The following GSTO2 variants were observed in gnomAD, a reference collection of about 807,000 sequenced individuals.
GSTO2 encodes the protein glutathione S-transferase omega 2.
A neutral mutation model predicts 28.4 loss-of-function variants in GSTO2; 23 were observed. That is an observed-to-expected ratio of 0.81 (90% CI 0.58 to 1.15). The LOEUF (loss-of-function observed/expected upper bound fraction) is 1.15. Ranked by LOEUF, GSTO2 falls within the 50% of genes most tolerant of loss-of-function variation. GSTO2 has a pLI of 0.00. For missense variants in GSTO2, 298 were observed against 297.8 expected, an observed-to-expected ratio of 1.00 and a Z score of 0.00; for synonymous variants, 109 against 111.0, an observed-to-expected ratio of 0.98 and a Z score of 0.11.
At position 104,277,960 on chromosome 10, in the gene GSTO2, C is replaced by A; in HGVS notation, c.210C>A (p.Gly70=). ...GGTACTATACAAAGCACCCTTTTGG[C>A]CACATTCCTGTCCTGGAGACCAGCC... ...PEWYYTKHPF[G]HIPVLETSQC... Residue 70 remains glycine, a synonymous_variant, in exon 4 of 7, where the codon GGC becomes GGA. Transcript: ENST00000338595. The A allele has an allele frequency of 6.2e-7, 1 of 1,613,984 alleles. No homozygotes were observed. The highest frequency in any genetic ancestry group is 8.5e-7 in the Non-Finnish European group (1 of 1,179,898).
At chr10:104,296,006 T>G (rs950819075) in intron 5 of GSTO2, 1 of 152,210 alleles carries the variant, frequency 6.6e-6, no homozygotes, top group Admixed American at 6.5e-5. Context: ...TTATGAGTTA[T>G]ATAGGTCAAA....
At chr10:104,273,936 A>G (rs11191986) in intron 1 of GSTO2, among the ~76,000 whole-genome samples, 11,277 of 152,266 alleles carry the variant, frequency 0.074, 1,399 homozygotes, top group African/African-American at 0.26. Context: ...TGTTAATCCT[A>G]CAAAATGCAT....
rs376816889 is a variant in GSTO2 at position 104,271,016 on chromosome 10, C to A, written c.-232+1747C>A. Among the ~76,000 whole-genome samples the A allele has an allele frequency of 1.7e-4, 26 of 152,268 alleles. No homozygotes were observed. The South Asian group carries it at 5.2e-3, about 30-fold the overall frequency. ...GAGTAGGTTTAATATGGTCTACTTA[C>A]AATTTGTTTCATGATTGAGTGGGTC... is the stretch of plus-strand genomic sequence containing the variant. On this transcript the variant is annotated intron_variant, in intron 1 of 6. Coordinates refer to ENST00000338595, the MANE Select transcript of GSTO2 (RefSeq NM_183239.2).
intron 1 of GSTO2, among the ~76,000 whole-genome samples, chr10:104,270,414 T>C (rs2011340764): frequency 6.6e-6 from 1 of 152,254 alleles, no homozygotes; most frequent in Non-Finnish European, 1.5e-5. Context: ...ATTTTACAAA[T>C]TATTTGACTT....
chr10:104,290,932 G>A (rs1329177881), intron 5 of GSTO2, among the ~76,000 whole-genome samples: 1 of 152,138 alleles, frequency 6.6e-6, no homozygotes, highest in East Asian at 1.9e-4. Context: ...AAATGCTTGG[G>A]GGAGTGGATA....
chr10:104,279,249 G>A (rs796376441), intron 4 of GSTO2, 121 bp from the exon 5 acceptor site: 4 of 706,878 alleles, frequency 5.7e-6, no homozygotes, highest in African/African-American at 5.3e-5. Flanking sequence ...GGAGCTGGGG[G>A]GTCTGATGTG....
At chr10:104,283,491 C>A (rs2012209115) in intron 5 of GSTO2, among the ~76,000 whole-genome samples, 2 of 152,242 alleles carry the variant, frequency 1.3e-5, no homozygotes, top group East Asian at 3.9e-4. Context: ...CTGGTCATGG[C>A]AGTGCGGGTC....
chr10:104,276,938 A>G (rs1399379765), intron 3 of GSTO2, among the ~76,000 whole-genome samples: 1 of 152,182 alleles, frequency 6.6e-6, no homozygotes, highest in Non-Finnish European at 1.5e-5. Flanking sequence ...TGAACATCTA[A>G]TAATTAGAAG....
chr10:104,292,729 T>A (rs569767406), intron 5 of GSTO2, among the ~76,000 whole-genome samples: 1 of 152,296 alleles, frequency 6.6e-6, no homozygotes, highest in South Asian at 2.1e-4. Flanking sequence ...GTGCTGGGAT[T>A]ACAGGCATGA....
At chr10:104,281,712 A>G (rs1484462078) in intron 5 of GSTO2, among the ~76,000 whole-genome samples, 1 of 152,154 alleles carries the variant, frequency 6.6e-6, no homozygotes, top group African/African-American at 2.4e-5. Flanking sequence ...CCTCTCTGTA[A>G]AGGCTCAGAA....
intron 5 of GSTO2, among the ~76,000 whole-genome samples, chr10:104,279,806 A>T (rs1456140623): frequency 6.6e-6 from 1 of 152,164 alleles, no homozygotes; most frequent in Non-Finnish European, 1.5e-5. Context: ...CTGAAGTCTA[A>T]CTACTGTAAA....
chr10:104,274,741 AGCTCCT>A lies in GSTO2; in HGVS notation c.-169_-164del. On this transcript the variant is annotated 5_prime_UTR_variant, in exon 2 of 7. Transcript: ENST00000338595. Reference sequence around the variant, plus strand: ...ATGTCTCCCCAGGTTAAATTACCCTAGCTCCTGCTCCAGATCGCTTCCCCGTGCCCC... The same window carrying A: ...ATGTCTCCCCAGGTTAAATTACCCTAGCTCCAGATCGCTTCCCCGTGCCCC... 1.4e-6 allele frequency: 1 copy of A among 733,792 alleles called. No individual in the cohort carries two copies. Among genetic ancestry groups the A allele is most frequent in the South Asian group, 1.7e-5 (1 of 59,202 alleles). 45.5% of individuals were successfully genotyped at this position (733,792 alleles called of 1,614,324 possible). A position where few individuals can be genotyped will look rare whatever the true frequency, so the allele number is the denominator to read the frequency against.
At chr10:104,272,627 T>TTTTTG in intron 1 of GSTO2, among the ~76,000 whole-genome samples, 1 of 102,778 alleles carries the variant, frequency 9.7e-6, no homozygotes, top group Admixed American at 1.0e-4. Context: ...TTTTTTTTTT[T>TTTTTG]TTTTGAGACG....
rs2135155034 is a variant in GSTO2, at chr10:104,300,219, C to T, written c.*935C>T. ...CAGAATTTCACTGGTGCTGTCAGGG[C>T]TCAGGATGTCTCACAAAATGTTCTA... On this transcript the variant is annotated 3_prime_UTR_variant, in exon 7 of 7. Coordinates refer to ENST00000338595, the MANE Select transcript of GSTO2 (RefSeq NM_183239.2). 6.6e-6 allele frequency: 1 copy of T among 152,292 alleles called. No homozygotes were observed. Among genetic ancestry groups the T allele is most frequent in the Admixed American group, 6.5e-5 (1 of 15,300 alleles). The allele number at this position is 152,292 out of a possible 1,614,324, so 9.4% of individuals were successfully genotyped here. A position where few individuals can be genotyped will look rare whatever the true frequency, so the allele number is the denominator to read the frequency against.
Position 104,304,574 on chromosome 10 carries a change from T to G in GSTO2, c.*5290T>G, listed in dbSNP as rs1330580431. 6.6e-6 allele frequency: 1 copy of G among 152,196 alleles called. No homozygotes were observed. Among genetic ancestry groups the G allele is most frequent in the Non-Finnish European group, 1.5e-5 (1 of 68,034 alleles). The allele number at this position is 152,196 out of a possible 1,614,324, so 9.4% of individuals were successfully genotyped here. On this transcript the variant is annotated 3_prime_UTR_variant, in exon 7 of 7. Transcript: ENST00000338595. The stretch of plus-strand genomic sequence containing the variant: ...TGGGACGGCTAAGTACCTATTTCAT[T>G]GGGCTGTTGAATAATGATGGTCTCA...
Position 104,301,531 on chromosome 10 carries a change from A to G in GSTO2, c.*2247A>G, listed in dbSNP as rs1404604776. ...AGAAAACTGAGTTATCAATCTTTGA[A>G]TAAAACTAGAAGGATGTGGCCTGGA... is the stretch of plus-strand genomic sequence containing the variant. On this transcript the variant is annotated 3_prime_UTR_variant, in exon 7 of 7. Coordinates refer to ENST00000338595, the MANE Select transcript of GSTO2 (RefSeq NM_183239.2). 1 of 152,240 alleles carries G rather than the reference A, an allele frequency of 6.6e-6. No homozygotes were observed. Among genetic ancestry groups the G allele is most frequent in the Non-Finnish European group, 1.5e-5 (1 of 68,036 alleles). 9.4% of individuals were successfully genotyped at this position (152,240 alleles called of 1,614,324 possible).
rs1413691221 is a variant in GSTO2, at chr10:104,297,621, T to G, written c.512T>G (p.Ile171Arg). The G allele has an allele frequency of 6.2e-7, 1 of 1,613,816 alleles. No homozygotes were observed. Among genetic ancestry groups the G allele is most frequent in the African/African-American group, 1.3e-5 (1 of 74,934 alleles). ...QNTTFFGGTCISMIDYLLWPW... is the reference protein window; with the variant it reads ...QNTTFFGGTCRSMIDYLLWPW... ...ACCACCTTCTTTGGTGGAACCTGTA[T>G]ATCCATGATTGATTACCTCCTCTGG... The change falls in exon 6 of 7, where the codon ATA (isoleucine) becomes AGA (arginine). Residue 171 changes from isoleucine to arginine, a missense_variant. Physicochemically the swap from Ile to Arg is moderately conservative, Grantham distance 97. Transcript: ENST00000338595.
chr10:104,292,009 G>T lies in GSTO2; in HGVS notation c.469-5569G>T, dbSNP rs1209731087. 4.6e-5 allele frequency among the ~76,000 whole-genome samples: 7 copies of T among 152,164 alleles called. No homozygotes were observed. In the East Asian group the frequency reaches 1.4e-3, roughly 29 times the overall value. The stretch of plus-strand genomic sequence containing the variant: ...TGTCAATGTTTTCAGAAAATCTGAG[G>T]CCTAGAAGCTAGAGCCTCAGTTCCC... On this transcript the variant is annotated intron_variant, in intron 5 of 6. Transcript: ENST00000338595.
rs548763731 is a variant in GSTO2 at position 104,302,997 on chromosome 10, G to A, written c.*3713G>A. ...GTACATGTGCAGGATGTGCAGGTTCGTTCCATAGGTAAACATGCGTCATGG... is the reference window on the plus strand; with the variant it reads ...GTACATGTGCAGGATGTGCAGGTTCATTCCATAGGTAAACATGCGTCATGG... On this transcript the variant is annotated 3_prime_UTR_variant, in exon 7 of 7. Coordinates refer to ENST00000338595, the MANE Select transcript of GSTO2 (RefSeq NM_183239.2). 29 of 152,252 alleles carry A rather than the reference G, an allele frequency of 1.9e-4. No homozygotes were observed. Among genetic ancestry groups the A allele is most frequent in the East Asian group, 5.8e-4 (3 of 5,184 alleles). 9.4% of individuals were successfully genotyped at this position (152,252 alleles called of 1,614,324 possible).
Sources: allele counts gnomAD v4.1 joint callset (sites outside exome capture counted in the v4.1 genomes callset), GRCh38; gene constraint gnomAD v4.1.1; transcripts MANE v1.5; gene names NCBI Gene and HGNC (gene_info 2026-07-23, HGNC 2026-07-21).